The following TASOR2 variants were observed in gnomAD, a reference collection of about 807,000 sequenced individuals.
TASOR2 encodes the protein protein TASOR 2.
In TASOR2, 84 loss-of-function variants were observed where a neutral mutation model predicts 199.5. The observed-to-expected ratio is 0.42, with a 90% CI of 0.35 to 0.50. The LOEUF (loss-of-function observed/expected upper bound fraction) is 0.50, where lower values mean the gene tolerates loss of function less well. Among genes scored for constraint, TASOR2 ranks in the 20% least tolerant of loss-of-function variants. The pLI is 0.02. For missense variants in TASOR2, 2,796 were observed against 2,835.9 expected (o/e 0.99, Z 0.32); for synonymous variants, 1,103 against 1,046.6 (o/e 1.05, Z -1.04).
chr10:5,746,764 G>A, exon 15 of TASOR2: 1 of 1,614,138 alleles, frequency 6.2e-7, no homozygotes, highest in Non-Finnish European at 8.5e-7. Flanking sequence ...CTCTCTAGTA[G>A]TTGCAGGACA....
At chr10:5,736,163 G>C (rs932256459) in intron 12 of TASOR2, among the ~76,000 whole-genome samples, 1 of 152,108 alleles carries the variant, frequency 6.6e-6, no homozygotes, top group African/African-American at 2.4e-5. Flanking sequence ...TCTCACGCCT[G>C]TAATCCCAGC....
Position 5,722,383 on chromosome 10 carries a change from G to A in TASOR2, c.147-1294G>A, listed in dbSNP as rs1419673896. On this transcript the variant is annotated intron_variant, in intron 6 of 20. Coordinates refer to ENST00000328090, the Ensembl canonical transcript of TASOR2. This position sits in a 1 kb window ranked among gnomAD's most constrained non-coding sequence, Gnocchi z 4.0. ...AGGCAGGAGAATCACTTGAACCTGG[G>A]AGGTGGAGGTTGCATTGAGCTGAGA... Among the ~76,000 whole-genome samples the A allele has an allele frequency of 6.6e-6, 1 of 152,158 alleles. No individual in the cohort carries two copies. Among genetic ancestry groups the A allele is most frequent in the Non-Finnish European group, 1.5e-5 (1 of 68,024 alleles).
At position 5,750,948 on chromosome 10, in the gene TASOR2, GA is replaced by G. The variant is rs1362748469; in HGVS notation, c.6606+922del. On this transcript the variant is annotated intron_variant, in intron 15 of 20. Transcript: ENST00000328090. This position sits in a 1 kb window ranked among gnomAD's most constrained non-coding sequence, Gnocchi z 5.4. ...TCCTCTGTTATTCCTTGTCTTTTATGACCTTAACAGTTTTGAAGACTGTAGG... is the reference window on the plus strand; with the variant it reads ...TCCTCTGTTATTCCTTGTCTTTTATGCCTTAACAGTTTTGAAGACTGTAGG... 6.6e-6 allele frequency among the ~76,000 whole-genome samples: 1 copy of G among 152,134 alleles called. No individual in the cohort carries two copies. Among genetic ancestry groups the G allele is most frequent in the Non-Finnish European group, 1.5e-5 (1 of 68,030 alleles).
rs117856624 is a variant in TASOR2 at position 5,711,894 on chromosome 10, T to A, written c.-287-929T>A. 5.1e-3 allele frequency among the ~76,000 whole-genome samples: 774 copies of A among 152,196 alleles called. 4 individuals are homozygous for A. The highest frequency in any genetic ancestry group is 9.1e-3 in the Non-Finnish European group (619 of 67,972). ...CAGAGATACAATGATTTCTATTGTG[T>A]CTGGTGAGTGGGCAATAGTAGGTCC... On this transcript the variant is annotated intron_variant, in intron 1 of 20. Coordinates refer to ENST00000328090, the Ensembl canonical transcript of TASOR2.
chr10:5,745,006 G>A (rs1021513613), intron 14 of TASOR2, among the ~76,000 whole-genome samples: 21 of 152,202 alleles, frequency 1.4e-4, no homozygotes, highest in African/African-American at 4.3e-4. Context: ...GACATGGCAC[G>A]CAGTTTGTGA....
In TASOR2 at chr10:5,751,450, T is replaced by C. The variant is rs1044414946; in HGVS notation, c.6606+1423T>C. ...TGCTTATCTGTATCACTATGGACCA[T>C]GGCACATTTTGTTTTACTTAAAGGG... is the stretch of plus-strand genomic sequence containing the variant. On this transcript the variant is annotated intron_variant, in intron 15 of 20. Transcript: ENST00000328090. The surrounding 1 kb of genome is among the most constrained non-coding windows in gnomAD (Gnocchi z 5.3). Among the ~76,000 whole-genome samples the C allele has an allele frequency of 6.6e-6, 1 of 152,238 alleles. No individual in the cohort carries two copies. Among genetic ancestry groups the C allele is most frequent in the Admixed American group, 6.5e-5 (1 of 15,286 alleles).
intron 3 of TASOR2, 55 bp downstream of exon 4, chr10:5,717,805 C>T (rs1485257844): frequency 8.0e-6 from 5 of 627,178 alleles, no homozygotes; most frequent in Non-Finnish European, 1.1e-5. Context: ...AGGTTATCTA[C>T]CTTTGATATT....
chr10:5,752,876 T>TG lies in TASOR2; in HGVS notation c.6606+2851dup, dbSNP rs2131639752. On this transcript the variant is annotated intron_variant, in intron 15 of 20. Coordinates refer to ENST00000328090, the Ensembl canonical transcript of TASOR2. This position sits in a 1 kb window ranked among gnomAD's most constrained non-coding sequence, Gnocchi z 4.4. ...AACAGCCTCACGCCTCATATGGCAG[T>TG]GGCAGGGCCTTAAGTCACACTGAGC... Among the ~76,000 whole-genome samples the TG allele has an allele frequency of 6.6e-6, 1 of 152,292 alleles. No homozygotes were observed. Among genetic ancestry groups the TG allele is most frequent in the African/African-American group, 2.4e-5 (1 of 41,562 alleles).
At position 5,748,281 on chromosome 10, in the gene TASOR2, C is replaced by T. The variant is rs376072474; in HGVS notation, c.4860C>T (p.Pro1620=). The change falls in exon 15 of 21, where the codon CCC becomes CCT. Residue 1620 remains proline (P), a synonymous_variant. Transcript: ENST00000328090. The surrounding 1 kb of genome is among the most constrained non-coding windows in gnomAD (Gnocchi z 5.1). ...AAAGCAGTCAGAACCATCTCTTTCC[C>T]GGTGATTTGAAAACAGATGAAGGCA... is the stretch of plus-strand genomic sequence containing the variant. The T allele has an allele frequency of 2.2e-5, 36 of 1,614,068 alleles. No homozygotes were observed. Among genetic ancestry groups the T allele is most frequent in the South Asian group, 5.5e-5 (5 of 91,084 alleles).
chr10:5,731,071 A>G (rs45584541), exon 11 of TASOR2: 47,459 of 1,614,094 alleles, frequency 0.029, 833 homozygotes, highest in South Asian at 0.038. Flanking sequence ...CATGCCCCAC[A>G]TGGTGCAGAG....
At chr10:5,716,904 A>T (rs1036830169) in intron 2 of TASOR2, among the ~76,000 whole-genome samples, 28 of 148,502 alleles carry the variant, frequency 1.9e-4, no homozygotes, top group Non-Finnish European at 3.6e-4. Context: ...ATAAATGTAT[A>T]TAAATATAAA....
Position 5,690,168 on chromosome 10 carries a change from T to G in TASOR2, c.-288+4993T>G, listed in dbSNP as rs939064738. Among the ~76,000 whole-genome samples, 30 of 152,234 alleles carry G rather than the reference T, an allele frequency of 2.0e-4. No individual in the cohort carries two copies. The highest frequency in any genetic ancestry group is 7.3e-5 in the Non-Finnish European group (5 of 68,040). ...TGCTAAAAGATTACCTACTTTATTA[T>G]TACTCTACAAATAACCAGCTTTTGC... On this transcript the variant is annotated intron_variant, in intron 1 of 20. Transcript: ENST00000328090. This position sits in a 1 kb window ranked among gnomAD's most constrained non-coding sequence, Gnocchi z 4.8.
chr10:5,696,067 G>T (rs1344051467), intron 1 of TASOR2, among the ~76,000 whole-genome samples: 1 of 152,202 alleles, frequency 6.6e-6, no homozygotes, highest in Non-Finnish European at 1.5e-5. Flanking sequence ...GATGGTTAAG[G>T]TGGGGGTGAA....
chr10:5,735,333 C>G (rs893932949), exon 12 of TASOR2: 4 of 1,614,036 alleles, frequency 2.5e-6, no homozygotes, highest in Non-Finnish European at 3.4e-6. Context: ...ACAGTTTGTA[C>G]AGAAAACCAA....
rs1010270970 is a variant in TASOR2 at position 5,710,510 on chromosome 10, A to C, written c.-287-2313A>C. Among the ~76,000 whole-genome samples, 1 of 152,108 alleles carries C rather than the reference A, an allele frequency of 6.6e-6. No individual in the cohort carries two copies. Among genetic ancestry groups the C allele is most frequent in the Non-Finnish European group, 1.5e-5 (1 of 67,948 alleles). On this transcript the variant is annotated intron_variant, in intron 1 of 20. Transcript: ENST00000328090. This position sits in a 1 kb window ranked among gnomAD's most constrained non-coding sequence, Gnocchi z 4.6. ...CTTTATTTATAGCTATATAGGGAACAGTATTCCCCACACTGGTGTTAATGA... is the reference window on the plus strand; with the variant it reads ...CTTTATTTATAGCTATATAGGGAACCGTATTCCCCACACTGGTGTTAATGA...
chr10:5,749,025 G>A (rs373286330), exon 15 of TASOR2: 23 of 1,614,000 alleles, frequency 1.4e-5, no homozygotes, highest in Admixed American at 8.3e-5. Context: ...GCTATGAGTC[G>A]TCGTTGAACT....
intron 1 of TASOR2, among the ~76,000 whole-genome samples, chr10:5,696,166 A>G (rs1242293166): frequency 6.6e-6 from 1 of 152,156 alleles, no homozygotes; most frequent in South Asian, 2.1e-4. Flanking sequence ...CTTCCAAACT[A>G]TCAGGCTTAC....
intron 1 of TASOR2, among the ~76,000 whole-genome samples, chr10:5,707,493 G>C (rs1838782293): frequency 6.6e-6 from 1 of 152,178 alleles, no homozygotes; most frequent in South Asian, 2.1e-4. Context: ...CTAGAAGATG[G>C]AGTCCTTTTC....
In TASOR2 at chr10:5,751,122, CCTTA is replaced by C. The variant is rs1212158387; in HGVS notation, c.6606+1098_6606+1101del. 1.3e-5 allele frequency among the ~76,000 whole-genome samples: 2 copies of C among 152,148 alleles called. No homozygotes were observed. On this transcript the variant is annotated intron_variant, in intron 15 of 20. Transcript: ENST00000328090. This position sits in a 1 kb window ranked among gnomAD's most constrained non-coding sequence, Gnocchi z 5.3. Reference sequence around the variant, plus strand: ...GGAGGCACCCGATGTTGATTTATCCCCTTACTGGTATATTAACCTTTTCACTTGG... The same window carrying C: ...GGAGGCACCCGATGTTGATTTATCCCCTGGTATATTAACCTTTTCACTTGG...
Sources: gnomAD v4.1 joint callset for allele counts (sites outside exome capture counted in the v4.1 genomes callset) on GRCh38, gnomAD v4.1.1 for gene constraint, Gnocchi (gnomAD v3.1) non-coding constraint, MANE v1.5 for transcripts, NCBI Gene and HGNC (gene_info 2026-07-23, HGNC 2026-07-21) for gene names.